Variants in SNX2 observed in about 807,000 individuals in gnomAD.
The protein encoded by SNX2 is sorting nexin 2.
Under a neutral mutation model 69.9 loss-of-function variants are expected in SNX2, and 25 were observed. The ratio of observed to expected loss-of-function variants is 0.36; its 90% CI spans 0.26 to 0.50. The LOEUF is 0.50. SNX2 is among the 20% of genes least tolerant of loss of function. The pLI, the probability that SNX2 is intolerant of heterozygous loss-of-function variation, is 0.97. For missense variants in SNX2, 551 were observed against 613.3 expected, an observed-to-expected ratio of 0.90 and a Z score of 1.07; for synonymous variants, 229 against 200.4, an observed-to-expected ratio of 1.14 and a Z score of -1.20.
chr5:122,810,398 TTAAAAAAAAAAA>T (rs1753744067), intron 7 of SNX2, among the ~76,000 whole-genome samples: 1 of 59,918 alleles, frequency 1.7e-5, no homozygotes. Context: ...GAATGATCAA[TTAAAAAAAAAAA>T]AAAAAAAAAA....
At chr5:122,785,067 T>C (rs1753053965) in intron 1 of SNX2, among the ~76,000 whole-genome samples, 1 of 152,194 alleles carries the variant, frequency 6.6e-6, no homozygotes, top group Non-Finnish European at 1.5e-5. Flanking sequence ...ACTTTTCTTT[T>C]TTTTCCTGAT....
In SNX2 at chr5:122,831,528, A is replaced by G. The variant is rs915249632; in HGVS notation, c.*1880A>G. Among the ~76,000 whole-genome samples the G allele has an allele frequency of 6.6e-6, 1 of 152,210 alleles. No individual in the cohort carries two copies. Among genetic ancestry groups the G allele is most frequent in the Non-Finnish European group, 1.5e-5 (1 of 68,036 alleles). On this transcript the variant is annotated 3_prime_UTR_variant, in exon 15 of 15. Transcript: ENST00000379516. The stretch of plus-strand genomic sequence containing the variant: ...CTTGATGAGTTGAACAGGGAAAACA[A>G]AAGTTTGCTCTTCTAAAAAGAAACT...
intron 1 of SNX2, among the ~76,000 whole-genome samples, chr5:122,784,973 T>A (rs1753050749): frequency 6.6e-6 from 1 of 152,218 alleles, no homozygotes; most frequent in Non-Finnish European, 1.5e-5. Context: ...ATCCATTCAG[T>A]CTCAGTTGTG....
At chr5:122,813,722 T>A (rs1753832114) in intron 7 of SNX2, among the ~76,000 whole-genome samples, 1 of 151,936 alleles carries the variant, frequency 6.6e-6, no homozygotes, top group Non-Finnish European at 1.5e-5. Context: ...AGAATATAAA[T>A]TATACAAGGT....
chr5:122,810,364 TC>T (rs1430818888), intron 7 of SNX2, among the ~76,000 whole-genome samples: 5 of 85,788 alleles, frequency 5.8e-5, no homozygotes, highest in Non-Finnish European at 8.7e-5. Flanking sequence ...CCCTGCCAAA[TC>T]CCCCTCTGCG....
chr5:122,824,741 A>AT (rs1449688189), intron 11 of SNX2, among the ~76,000 whole-genome samples: 4 of 152,078 alleles, frequency 2.6e-5, no homozygotes, highest in Non-Finnish European at 4.4e-5. Flanking sequence ...TTAGTTATAC[A>AT]TTTTTTCCAT....
chr5:122,826,422 T>TA (rs1369992917), intron 12 of SNX2, among the ~76,000 whole-genome samples: 3 of 152,054 alleles, frequency 2.0e-5, no homozygotes, highest in Non-Finnish European at 4.4e-5. Context: ...CAGCTAAAAT[T>TA]AACCTTTACA....
intron 11 of SNX2, among the ~76,000 whole-genome samples, chr5:122,822,926 T>C (rs1295087457): frequency 2.0e-5 from 3 of 152,374 alleles, no homozygotes; most frequent in South Asian, 4.1e-4. Context: ...CTTTATTCTT[T>C]GGCTATAAAT....
intron 2 of SNX2, 28 bp downstream of exon 2, chr5:122,795,411 A>G: frequency 7.3e-7 from 1 of 1,371,908 alleles, no homozygotes; most frequent in Non-Finnish European, 1.0e-6. Context: ...ATTTTTTAAT[A>G]ATGGTCAATT....
At chr5:122,787,513 G>T (rs1753114957) in intron 1 of SNX2, among the ~76,000 whole-genome samples, 1 of 151,582 alleles carries the variant, frequency 6.6e-6, no homozygotes, top group South Asian at 2.1e-4. Context: ...GAGCAAGACT[G>T]TCCCCCCCCA....
rs61189602 is a variant in SNX2, at chr5:122,801,652, CGTGTGT to C, written c.391-184_391-179del. Among the ~76,000 whole-genome samples, 511 of 132,116 alleles carry C rather than the reference CGTGTGT, an allele frequency of 3.9e-3. 7 individuals carry two copies. Among genetic ancestry groups the C allele is most frequent in the Admixed American group, 0.028 (350 of 12,726 alleles). The allele number at this position is 132,116 out of a possible 152,430, so 86.7% of individuals were successfully genotyped here. On this transcript the variant is annotated intron_variant, in intron 3 of 14. Coordinates refer to ENST00000379516, the MANE Select transcript of SNX2 (RefSeq NM_003100.4). ...TGTTACTTCTCCAAATGGTCTTTTT[CGTGTGT>C]GTGTGTGTGTGTGTGTGTGTGTGTG... is the stretch of plus-strand genomic sequence containing the variant.
chr5:122,829,244 G>C (rs1754227038), intron 14 of SNX2, among the ~76,000 whole-genome samples: 1 of 151,972 alleles, frequency 6.6e-6, no homozygotes, highest in South Asian at 2.1e-4. Flanking sequence ...TTGCTCTGTT[G>C]TCCAGGTTGG....
At chr5:122,804,504 T>C (rs960018091) in intron 6 of SNX2, among the ~76,000 whole-genome samples, 1 of 151,884 alleles carries the variant, frequency 6.6e-6, no homozygotes, top group African/African-American at 2.4e-5. Context: ...TAGCTAGGAC[T>C]GCAGGCACAC....
intron 14 of SNX2, among the ~76,000 whole-genome samples, chr5:122,828,789 G>A (rs761563109): frequency 6.6e-5 from 10 of 152,006 alleles, no homozygotes; most frequent in East Asian, 1.9e-4. Context: ...ATATATTGAC[G>A]GACTTCAGAT....
At position 122,829,873 on chromosome 5, in the gene SNX2, G is replaced by A; in HGVS notation, c.*225G>A. On this transcript the variant is annotated 3_prime_UTR_variant, in exon 15 of 15. Transcript: ENST00000379516. ...CTTTGAATTAAGTGGACTGTGGCAT[G>A]ACATTCTGCAATACTTTGCTGAATT... 1.8e-6 allele frequency: 1 copy of A among 558,990 alleles called. No homozygotes were observed. Among genetic ancestry groups the A allele is most frequent in the South Asian group, 2.1e-5 (1 of 46,558 alleles). The allele number at this position is 558,990 out of a possible 1,614,324, so 34.6% of individuals were successfully genotyped here.
chr5:122,823,169 TA>T (rs761883745), intron 11 of SNX2, among the ~76,000 whole-genome samples: 9 of 151,740 alleles, frequency 5.9e-5, no homozygotes, highest in Non-Finnish European at 1.2e-4. Flanking sequence ...ATCCCTCTTA[TA>T]ATGGTTCTAC....
intron 2 of SNX2, chr5:122,795,639 A>G (rs143334822): frequency 6.5e-4 from 191 of 293,290 alleles, no homozygotes; most frequent in African/African-American, 3.9e-3. Context: ...TGGGGGCAGT[A>G]TTTAGATGCA....
intron 1 of SNX2, among the ~76,000 whole-genome samples, chr5:122,781,760 A>G (rs1752984766): frequency 6.6e-6 from 1 of 152,162 alleles, no homozygotes; most frequent in Non-Finnish European, 1.5e-5. Context: ...AATTTTATGA[A>G]CTAGTTAATA....
In SNX2 at chr5:122,775,184, G is replaced by C. The variant is rs745675786; in HGVS notation, c.81G>C (p.Leu27=). 1.3e-6 allele frequency: 2 copies of C among 1,591,570 alleles called. No individual in the cohort carries two copies. The highest frequency in any genetic ancestry group is 2.7e-5 in the African/African-American group (2 of 74,734). The change falls in exon 1 of 15, where the codon CTG becomes CTC. Residue 27 remains leucine (L), a synonymous_variant. Coordinates refer to ENST00000379516, the MANE Select transcript of SNX2 (RefSeq NM_003100.4). ...DFEDLEDGED[L]FTSTVSTLES... ...AGGATCTGGAGGACGGAGAGGACCT[G>C]TTCACCAGCACTGTCTCCACCCTAG...
Sources: allele counts gnomAD v4.1 joint callset (sites outside exome capture counted in the v4.1 genomes callset), GRCh38; gene constraint gnomAD v4.1.1; transcripts MANE v1.5; gene names NCBI Gene and HGNC (gene_info 2026-07-23, HGNC 2026-07-21).